The following NDST4 variants were observed in gnomAD, a reference collection of about 807,000 sequenced individuals.
The protein encoded by NDST4 is N-heparan sulfate sulfotransferase 4.
Under a neutral mutation model 100.8 loss-of-function variants are expected in NDST4, and 63 were observed. The ratio of observed to expected loss-of-function variants is 0.62; its 90% CI spans 0.51 to 0.77. The LOEUF (loss-of-function observed/expected upper bound fraction) is 0.77, where lower values mean the gene tolerates loss of function less well. Ranked by LOEUF, NDST4 falls within the 30% of genes least tolerant of loss-of-function variation. The pLI is 0.00. For synonymous variants in NDST4, 377 were observed against 361.8 expected, an observed-to-expected ratio of 1.04 and a Z score of -0.48; for missense variants, 943 against 1,018.4, an observed-to-expected ratio of 0.93 and a Z score of 1.01.
chr4:114,847,427 TTGCAAA>T (rs1446517499), intron 9 of NDST4, among the ~76,000 whole-genome samples: 1 of 137,756 alleles, frequency 7.3e-6, no homozygotes, highest in East Asian at 2.2e-4. Context: ...GTGTCTTTCA[TTGCAAA>T]CAGGTTCATG....
intron 2 of NDST4, among the ~76,000 whole-genome samples, chr4:115,033,367 C>G (rs1208543198): frequency 6.6e-6 from 1 of 151,426 alleles, no homozygotes; most frequent in African/African-American, 2.4e-5. Flanking sequence ...CTGCCCACCT[C>G]CACCTCTCAA....
intron 6 of NDST4, among the ~76,000 whole-genome samples, chr4:114,932,904 G>A (rs985225407): frequency 6.6e-6 from 1 of 151,986 alleles, no homozygotes; most frequent in Non-Finnish European, 1.5e-5. Context: ...TACTCACAAT[G>A]ATCTACCAAT....
At chr4:114,886,111 A>T (rs28538937) in intron 6 of NDST4, among the ~76,000 whole-genome samples, 13,637 of 152,164 alleles carry the variant, frequency 0.09, 1,794 homozygotes, top group African/African-American at 0.29. Flanking sequence ...AAAGACTTCA[A>T]GTAAATTTTT....
At chr4:114,970,930 G>A (rs1726500685) in intron 3 of NDST4, among the ~76,000 whole-genome samples, 1 of 151,656 alleles carries the variant, frequency 6.6e-6, no homozygotes, top group Non-Finnish European at 1.5e-5. Context: ...CAAATAATTG[G>A]ACATAAATTT....
At chr4:114,926,321 G>A (rs1725385404) in intron 6 of NDST4, among the ~76,000 whole-genome samples, 1 of 151,890 alleles carries the variant, frequency 6.6e-6, no homozygotes, top group Non-Finnish European at 1.5e-5. Context: ...GGCTCATTTG[G>A]GCAAAGTAAG....
At chr4:114,877,862 G>T (rs531368248) in intron 6 of NDST4, among the ~76,000 whole-genome samples, 19 of 152,026 alleles carry the variant, frequency 1.2e-4, no homozygotes, top group South Asian at 1.0e-3. Flanking sequence ...TGAGGCAGAA[G>T]AATTGCTTCA....
intron 8 of NDST4, 127 bp downstream of exon 8, chr4:114,852,598 A>G: frequency 1.7e-6 from 1 of 584,904 alleles, no homozygotes; most frequent in Non-Finnish European, 3.0e-6. Flanking sequence ...AAGCAGTTCA[A>G]ATAATAAACT....
chr4:115,047,481 T>C (rs1728488183), intron 2 of NDST4, among the ~76,000 whole-genome samples: 1 of 152,142 alleles, frequency 6.6e-6, no homozygotes, highest in Non-Finnish European at 1.5e-5. Flanking sequence ...AAATAGCATA[T>C]ATATTTATCT....
intron 6 of NDST4, among the ~76,000 whole-genome samples, chr4:114,916,881 G>A (rs1030567747): frequency 2.7e-5 from 4 of 149,568 alleles, no homozygotes; most frequent in East Asian, 2.1e-4. Flanking sequence ...CATGAGAACC[G>A]TACCCTTAAT....
chr4:115,112,035 T>C (rs1335707537), intron 1 of NDST4, among the ~76,000 whole-genome samples: 1 of 151,696 alleles, frequency 6.6e-6, no homozygotes, highest in Non-Finnish European at 1.5e-5. Flanking sequence ...ACTTAGACTG[T>C]TGTAGTCAGT....
At chr4:114,982,776 A>G (rs1458567529) in intron 2 of NDST4, among the ~76,000 whole-genome samples, 2 of 152,206 alleles carry the variant, frequency 1.3e-5, no homozygotes, top group African/African-American at 2.4e-5. Context: ...AGAGCATTTC[A>G]GAGACCTTCA....
At chr4:114,947,195 A>T (rs1351783049) in intron 4 of NDST4, among the ~76,000 whole-genome samples, 2 of 152,192 alleles carry the variant, frequency 1.3e-5, no homozygotes, top group African/African-American at 4.8e-5. Context: ...AGACAAATTT[A>T]GTTTCAGTAG....
chr4:114,831,273 C>G (rs1317157183), intron 12 of NDST4, among the ~76,000 whole-genome samples: 1 of 151,486 alleles, frequency 6.6e-6, no homozygotes, highest in Non-Finnish European at 1.5e-5. Context: ...AGGATGGTCT[C>G]GATCTCCTGA....
chr4:114,841,274 GT>G (rs1220349609), intron 10 of NDST4, among the ~76,000 whole-genome samples: 1 of 152,190 alleles, frequency 6.6e-6, no homozygotes, highest in East Asian at 1.9e-4. Flanking sequence ...TTATAAAAAT[GT>G]GGGGTAGAAA....
At chr4:114,984,784 G>A (rs1293988755) in intron 2 of NDST4, among the ~76,000 whole-genome samples, 1 of 152,120 alleles carries the variant, frequency 6.6e-6, no homozygotes, top group African/African-American at 2.4e-5. Context: ...GCCTACCTCA[G>A]TAAAATGGAG....
chr4:114,999,521 A>G (rs1727237400), intron 2 of NDST4, among the ~76,000 whole-genome samples: 1 of 152,158 alleles, frequency 6.6e-6, no homozygotes, highest in African/African-American at 2.4e-5. Flanking sequence ...AAAGTTTATT[A>G]TAATTCTTAT....
chr4:115,106,785 T>C (rs1004011048), intron 1 of NDST4, among the ~76,000 whole-genome samples: 2 of 152,082 alleles, frequency 1.3e-5, no homozygotes, highest in Non-Finnish European at 2.9e-5. Context: ...TGGGTGATGT[T>C]TTGGAATATT....
chr4:114,856,199 A>G (rs1368283750), intron 7 of NDST4, among the ~76,000 whole-genome samples: 1 of 151,962 alleles, frequency 6.6e-6, no homozygotes, highest in East Asian at 1.9e-4. Flanking sequence ...ATTATCTGAG[A>G]CTACAGATGT....
intron 4 of NDST4, among the ~76,000 whole-genome samples, chr4:114,941,064 G>A (rs955540434): frequency 1.1e-4 from 17 of 152,202 alleles, no homozygotes; most frequent in African/African-American, 4.1e-4. Context: ...TGTGGCCCCT[G>A]TTGGGAACCT....
Sources: gnomAD v4.1 joint callset for allele counts (sites outside exome capture counted in the v4.1 genomes callset) on GRCh38, gnomAD v4.1.1 for gene constraint, MANE v1.5 for transcripts, NCBI Gene and HGNC (gene_info 2026-07-23, HGNC 2026-07-21) for gene names.